The following RIMS2 variants were observed in gnomAD, a reference collection of about 807,000 sequenced individuals.
RIMS2 encodes the protein regulating synaptic membrane exocytosis 2, also known as regulating synaptic membrane exocytosis protein 2.
Under a neutral mutation model 174.4 loss-of-function variants are expected in RIMS2, and 59 were observed. The observed-to-expected ratio is 0.34, with a 90% CI of 0.27 to 0.42. The LOEUF (loss-of-function observed/expected upper bound fraction) is 0.42, where lower values mean the gene tolerates loss of function less well. Ranked by LOEUF, RIMS2 falls within the 10% of genes least tolerant of loss-of-function variation. The pLI is 1.00. For synonymous variants in RIMS2, 606 were observed against 572.5 expected, an observed-to-expected ratio of 1.06 and a Z score of -0.84; for missense variants, 1,620 against 1,666.3, an observed-to-expected ratio of 0.97 and a Z score of 0.48.
At chr8:104,012,121 T>C (rs1354518467) in intron 17 of RIMS2, among the ~76,000 whole-genome samples, 1 of 151,936 alleles carries the variant, frequency 6.6e-6, no homozygotes. Context: ...GAGGCACTTA[T>C]ATGAAAATAC....
chr8:103,632,460 G>A (rs371959675), intron 1 of RIMS2, among the ~76,000 whole-genome samples: 14 of 152,140 alleles, frequency 9.2e-5, no homozygotes, highest in South Asian at 4.2e-4. Flanking sequence ...TTGCTCTTTC[G>A]CCCAGGATGG....
At chr8:104,218,295 CT>C (rs901822237) in intron 19 of RIMS2, among the ~76,000 whole-genome samples, 7 of 151,722 alleles carry the variant, frequency 4.6e-5, no homozygotes, top group African/African-American at 1.2e-4. Flanking sequence ...AGCCTTACTG[CT>C]TTTTTTTTCT....
At chr8:104,014,727 T>G (rs2095855737) in intron 19 of RIMS2, 112 bp downstream of exon 21, 1 of 558,352 alleles carries the variant, frequency 1.8e-6, no homozygotes, top group Admixed American at 2.8e-5. Flanking sequence ...ATTGTATGCC[T>G]TGTCTGTATT....
chr8:103,521,640 A>G (rs564602225), intron 1 of RIMS2, among the ~76,000 whole-genome samples: 4 of 152,194 alleles, frequency 2.6e-5, no homozygotes, highest in South Asian at 4.1e-4. Context: ...TCAACATTTT[A>G]CTATTCATTT....
At chr8:103,783,698 T>C (rs1193627210) in intron 3 of RIMS2, among the ~76,000 whole-genome samples, 1 of 151,998 alleles carries the variant, frequency 6.6e-6, no homozygotes. Context: ...TCCAAGTCTT[T>C]GCTATTGTGA....
At chr8:103,869,798 G>T (rs1181211266) in intron 3 of RIMS2, among the ~76,000 whole-genome samples, 2 of 152,176 alleles carry the variant, frequency 1.3e-5, no homozygotes, top group Non-Finnish European at 1.5e-5. Context: ...GTTTGATGCT[G>T]TTAGAAAGTG....
At chr8:104,194,303 T>C (rs1036930701) in intron 19 of RIMS2, among the ~76,000 whole-genome samples, 4 of 152,188 alleles carry the variant, frequency 2.6e-5, no homozygotes, top group Non-Finnish European at 5.9e-5. Flanking sequence ...TTATGAGCAA[T>C]TAAGGTTTTT....
intron 3 of RIMS2, among the ~76,000 whole-genome samples, chr8:103,770,073 A>G (rs147257110): frequency 1.3e-4 from 20 of 152,354 alleles, no homozygotes; most frequent in African/African-American, 4.3e-4. Flanking sequence ...ACATTTATCT[A>G]TAGCCAGTAT....
chr8:103,563,200 C>T (rs1311835927), intron 1 of RIMS2, among the ~76,000 whole-genome samples: 1 of 152,230 alleles, frequency 6.6e-6, no homozygotes, highest in African/African-American at 2.4e-5. Flanking sequence ...AATTTCTCCC[C>T]AGAAAATGGG....
At position 103,885,394 on chromosome 8, in the gene RIMS2, A is replaced by C. The variant is rs758150011; in HGVS notation, c.795A>C (p.Ala265=). The C allele has an allele frequency of 5.0e-6, 8 of 1,612,602 alleles. No homozygotes were observed. The East Asian group carries it at 1.8e-4, about 36-fold the overall frequency. ...CACAGTATGCTACTTCGGATACCGCAATGCCTAGATCTCCATCAGATTATG... is the reference window on the plus strand; with the variant it reads ...CACAGTATGCTACTTCGGATACCGCCATGCCTAGATCTCCATCAGATTATG... The change falls in exon 4 of 24, where the codon GCA becomes GCC. Residue 265 remains alanine, a synonymous_variant. Transcript: ENST00000504942.
chr8:104,178,139 G>C (rs2098916623), intron 19 of RIMS2, among the ~76,000 whole-genome samples: 1 of 152,156 alleles, frequency 6.6e-6, no homozygotes, highest in Non-Finnish European at 1.5e-5. Flanking sequence ...GTGTGGCTCA[G>C]CTGGTTCTCT....
chr8:103,632,026 A>G (rs910763835), intron 1 of RIMS2, among the ~76,000 whole-genome samples: 5 of 152,172 alleles, frequency 3.3e-5, no homozygotes, highest in Admixed American at 2.0e-4. Context: ...GCTTTTGTGT[A>G]GAGACTATGG....
At chr8:104,062,653 T>C (rs2097023031) in intron 19 of RIMS2, among the ~76,000 whole-genome samples, 1 of 152,180 alleles carries the variant, frequency 6.6e-6, no homozygotes, top group Admixed American at 6.5e-5. Flanking sequence ...GGTGAGCCAA[T>C]AGCTGTATAC....
chr8:103,932,949 G>A (rs1443558072), intron 12 of RIMS2, among the ~76,000 whole-genome samples: 2 of 151,960 alleles, frequency 1.3e-5, no homozygotes, highest in Admixed American at 6.6e-5. Context: ...CTGAGGTCAG[G>A]AGTTTGAGAC....
intron 3 of RIMS2, among the ~76,000 whole-genome samples, chr8:103,788,977 G>GC (rs370602106): frequency 6.9e-6 from 1 of 145,952 alleles, no homozygotes; most frequent in African/African-American, 2.4e-5. Context: ...CTCGTGGTGC[G>GC]CCGTTTTTTA....
At chr8:104,066,399 T>C (rs2097105841) in intron 19 of RIMS2, among the ~76,000 whole-genome samples, 1 of 152,162 alleles carries the variant, frequency 6.6e-6, no homozygotes, top group Non-Finnish European at 1.5e-5. Flanking sequence ...TATATATGTG[T>C]GTGTGTGTGT....
chr8:104,082,753 A>T (rs577217562), intron 19 of RIMS2, among the ~76,000 whole-genome samples: 1 of 152,022 alleles, frequency 6.6e-6, no homozygotes, highest in East Asian at 1.9e-4. Context: ...ATATGTTAAC[A>T]TCTATATATC....
intron 1 of RIMS2, chr8:103,501,676 C>G (rs1437251504): frequency 1.3e-5 from 2 of 152,670 alleles, no homozygotes; most frequent in African/African-American, 4.8e-5. Context: ...CCAGCCCCTC[C>G]CCCTCGGCGA....
chr8:103,997,244 G>A (rs2095161557), intron 17 of RIMS2, among the ~76,000 whole-genome samples: 1 of 151,752 alleles, frequency 6.6e-6, no homozygotes, highest in Admixed American at 6.6e-5. Flanking sequence ...TTTATTTTTA[G>A]GATTAAGTGC....
Sources: allele counts gnomAD v4.1 joint callset (sites outside exome capture counted in the v4.1 genomes callset), GRCh38; gene constraint gnomAD v4.1.1; transcripts MANE v1.5; gene names NCBI Gene and HGNC (gene_info 2026-07-23, HGNC 2026-07-21).